Variants in RBFOX1 observed in about 807,000 individuals in gnomAD.
RBFOX1 encodes the protein RNA binding protein fox-1 homolog 1.
RBFOX1 carries 8 observed loss-of-function variants against 57.7 expected under a neutral mutation model. The observed-to-expected ratio is 0.14, with a 90% CI of 0.08 to 0.25. The LOEUF (loss-of-function observed/expected upper bound fraction) is 0.25, where lower values mean the gene tolerates loss of function less well. RBFOX1 is among the 10% of genes least tolerant of loss of function. The pLI, the probability that RBFOX1 is intolerant of heterozygous loss-of-function variation, is 1.00. For synonymous variants in RBFOX1, 326 were observed against 222.4 expected (o/e 1.47, Z -4.15); for missense variants, 611 against 548.5 (o/e 1.11, Z -1.14).
rs561305134 is a variant in RBFOX1 at position 7,384,009 on chromosome 16, G to A, written c.28-134138G>A. 1.3e-3 allele frequency among the ~76,000 whole-genome samples: 198 copies of A among 150,716 alleles called. 2 individuals are homozygous for A. The highest frequency in any genetic ancestry group is 3.2e-3 in the Admixed American group (48 of 15,142). On this transcript the variant is annotated intron_variant, in intron 4 of 15. Transcript: ENST00000550418. ...GTGGAGGTTGCAGTGAGCAGAGATC[G>A]TGCCGTTGCACCCCAGCCTGGGCAA...
chr16:6,553,999 G>GTTATTCA (rs2097046306), intron 2 of RBFOX1, among the ~76,000 whole-genome samples: 1 of 152,116 alleles, frequency 6.6e-6, no homozygotes, highest in Non-Finnish European at 1.5e-5. Context: ...GGGTCTGGCA[G>GTTATTCA]ACATATTAGG....
intron 11 of RBFOX1, among the ~76,000 whole-genome samples, chr16:7,631,171 G>GGAA (rs2060891262): frequency 6.6e-6 from 1 of 151,592 alleles, no homozygotes; most frequent in South Asian, 2.1e-4. Context: ...CCAATGAGGA[G>GGAA]GAGGAGGAGG....
chr16:5,381,140 A>T (rs750686394), intron 1 of RBFOX1, among the ~76,000 whole-genome samples: 1 of 152,204 alleles, frequency 6.6e-6, no homozygotes, highest in Non-Finnish European at 1.5e-5. Flanking sequence ...CTGAGGAATC[A>T]GAAGAGCTAG....
chr16:6,091,478 T>C (rs2096172944), intron 1 of RBFOX1, among the ~76,000 whole-genome samples: 1 of 152,164 alleles, frequency 6.6e-6, no homozygotes, highest in Admixed American at 6.5e-5. Context: ...CTATATCTAT[T>C]TTATTGTCAC....
At chr16:6,488,835 A>G (rs2095563091) in intron 2 of RBFOX1, among the ~76,000 whole-genome samples, 1 of 152,136 alleles carries the variant, frequency 6.6e-6, no homozygotes, top group Admixed American at 6.5e-5. Flanking sequence ...CTGGCCCCAA[A>G]CCAACAGTGC....
chr16:5,884,599 G>C (rs9922245), intron 4 of RBFOX1, among the ~76,000 whole-genome samples: 1 of 151,990 alleles, frequency 6.6e-6, no homozygotes, highest in Non-Finnish European at 1.5e-5. Context: ...TTTTTCCAAC[G>C]TAGCCATAAG....
intron 2 of RBFOX1, among the ~76,000 whole-genome samples, chr16:6,430,899 G>C (rs754368321): frequency 6.7e-6 from 1 of 149,340 alleles, no homozygotes; most frequent in African/African-American, 2.5e-5. Flanking sequence ...GGGAGGCTGA[G>C]ATAGGAGGGT....
intron 3 of RBFOX1, among the ~76,000 whole-genome samples, chr16:6,949,797 AT>A (rs143367554): frequency 0.15 from 21,893 of 150,606 alleles, 1,901 homozygotes; most frequent in Non-Finnish European, 0.19. Flanking sequence ...TTTCTTCTGA[AT>A]TTTTTTTTTC....
chr16:7,589,542 C>T (rs2094324540), intron 7 of RBFOX1, among the ~76,000 whole-genome samples: 1 of 151,702 alleles, frequency 6.6e-6, no homozygotes, highest in Admixed American at 6.6e-5. Context: ...CCAAAATAGC[C>T]TCTCTCGGTG....
At chr16:5,360,020 A>G (rs116992794) in intron 1 of RBFOX1, among the ~76,000 whole-genome samples, 3,113 of 152,324 alleles carry the variant, frequency 0.02, 42 homozygotes, top group Non-Finnish European at 0.033. Context: ...GGTTAGTAAG[A>G]TGTCCTCTCA....
At chr16:6,865,311 G>C (rs1248053382) in intron 3 of RBFOX1, among the ~76,000 whole-genome samples, 2 of 151,864 alleles carry the variant, frequency 1.3e-5, no homozygotes, top group Non-Finnish European at 2.9e-5. Flanking sequence ...CCTGGAGTGG[G>C]TTTTTTAAGT....
intron 3 of RBFOX1, among the ~76,000 whole-genome samples, chr16:6,786,112 A>G (rs989405596): frequency 1.3e-5 from 2 of 152,184 alleles, no homozygotes. Context: ...TCACTTTGGC[A>G]AAAGTCTGCA....
intron 3 of RBFOX1, among the ~76,000 whole-genome samples, chr16:5,786,722 C>T (rs1860569609): frequency 6.6e-6 from 1 of 152,176 alleles, no homozygotes; most frequent in Non-Finnish European, 1.5e-5. Context: ...TGGTCATACT[C>T]ATTACAGCCA....
chr16:6,661,907 A>T (rs1451283273), intron 3 of RBFOX1, among the ~76,000 whole-genome samples: 1 of 152,046 alleles, frequency 6.6e-6, no homozygotes, highest in Non-Finnish European at 1.5e-5. Context: ...GAGAATATCC[A>T]TTTTAACATC....
At chr16:6,542,483 C>CTTTTTTTTTTTT (rs71145245) in intron 2 of RBFOX1, among the ~76,000 whole-genome samples, 850 of 55,708 alleles carry the variant, frequency 0.015, 186 homozygotes, top group Admixed American at 0.023. Flanking sequence ...GGACCATAGT[C>CTTTTTTTTTTTT]TTTTTTTTTT....
intron 3 of RBFOX1, among the ~76,000 whole-genome samples, chr16:5,808,874 A>G (rs4485371): frequency 0.57 from 85,996 of 151,966 alleles, 25,098 homozygotes; most frequent in South Asian, 0.67. Flanking sequence ...AACAGGGACA[A>G]TTTGACTCCC....
chr16:6,720,658 GAGA>G (rs1466991833), intron 3 of RBFOX1, among the ~76,000 whole-genome samples: 1 of 152,206 alleles, frequency 6.6e-6, no homozygotes, highest in South Asian at 2.1e-4. Flanking sequence ...AATAGTTGGT[GAGA>G]AGGAGACATG....
intron 3 of RBFOX1, among the ~76,000 whole-genome samples, chr16:6,956,116 G>C (rs1444892222): frequency 6.6e-6 from 1 of 152,158 alleles, no homozygotes; most frequent in Non-Finnish European, 1.5e-5. Context: ...GGGCCACAGA[G>C]GCTGGAGTTG....
chr16:7,664,745 C>A (rs1157486182), intron 12 of RBFOX1, 184 bp from the exon 13 acceptor site: 6 of 1,024,634 alleles, frequency 5.9e-6, no homozygotes, highest in South Asian at 1.6e-5. Context: ...CAAAGCCCGG[C>A]CTAATTTTCT....
Sources: allele counts gnomAD v4.1 joint callset (sites outside exome capture counted in the v4.1 genomes callset), GRCh38; gene constraint gnomAD v4.1.1; transcripts MANE v1.5; gene names NCBI Gene and HGNC (gene_info 2026-07-23, HGNC 2026-07-21).